The following ITGB1BP1 variants were observed in gnomAD, a reference collection of about 807,000 sequenced individuals.
ITGB1BP1 encodes integrin subunit beta 1 binding protein 1.
A neutral mutation model predicts 28.0 loss-of-function variants in ITGB1BP1; 20 were observed. The ratio of observed to expected loss-of-function variants is 0.71; its 90% confidence interval spans 0.50 to 1.04. ITGB1BP1 has a LOEUF of 1.04. Among genes scored for constraint, ITGB1BP1 ranks in the 50% least tolerant of loss-of-function variants. The pLI, the probability that ITGB1BP1 is intolerant of heterozygous loss-of-function variation, is 0.00. For missense variants in ITGB1BP1, 228 were observed against 242.5 expected, an observed-to-expected ratio of 0.94 and a Z score of 0.40; for synonymous variants, 103 against 89.5, an observed-to-expected ratio of 1.15 and a Z score of -0.85.
rs565800627 is a variant in ITGB1BP1, at chr2:9,416,015, G to A, written c.73-1759C>T. ...CTCCTTCTGTGCTGTGCCTCACCCC[G>A]GTCCTGGGACTGAGTGAACACACAA... On this transcript the variant is annotated intron_variant, in intron 2 of 6. Transcript: ENST00000355346. Among the ~76,000 whole-genome samples the A allele has an allele frequency of 7.9e-4, 120 of 152,272 alleles. 1 individual carries two copies. Among genetic ancestry groups the A allele is most frequent in the African/African-American group, 2.6e-3 (108 of 41,558 alleles).
chr2:9,414,480 A>G (rs1192440415), intron 2 of ITGB1BP1, among the ~76,000 whole-genome samples: 1 of 152,238 alleles, frequency 6.6e-6, no homozygotes. Context: ...CCCATGACAT[A>G]ATATCGGATA....
At position 9,405,138 on chromosome 2, in the gene ITGB1BP1, T is replaced by C. The variant is rs1677106740; in HGVS notation, c.*1696A>G. The C allele has an allele frequency of 6.6e-6, 1 of 152,332 alleles. No homozygotes were observed. 9.4% of individuals were successfully genotyped at this position (152,332 alleles called of 1,614,324 possible). A position where few individuals can be genotyped will look rare whatever the true frequency, so the allele number is the denominator to read the frequency against. ...CAAACTAATCTGTCAGGTTCACTGG[T>C]ACATAAATACCTAGGAAATATTTTT... On this transcript the variant is annotated 3_prime_UTR_variant, in exon 7 of 7. Coordinates refer to ENST00000355346, the MANE Select transcript of ITGB1BP1 (RefSeq NM_004763.5).
rs1039721593 is a variant in ITGB1BP1 at position 9,406,696 on chromosome 2, A to G, written c.*138T>C. ...TAGGACACATTTTAATAAACAAATG[A>G]TCAGCATTTTACACAATCCATTTTC... On this transcript the variant is annotated 3_prime_UTR_variant, in exon 7 of 7. Transcript: ENST00000355346. 10 of 671,698 alleles carry G rather than the reference A, an allele frequency of 1.5e-5. No individual in the cohort carries two copies. The African/African-American group carries it at 1.8e-4, about 12-fold the overall frequency. 41.6% of individuals were successfully genotyped at this position (671,698 alleles called of 1,614,324 possible).
intron 2 of ITGB1BP1, 41 bp downstream of exon 2, chr2:9,418,585 C>T (rs781157155): frequency 7.4e-7 from 1 of 1,354,962 alleles, no homozygotes; most frequent in Non-Finnish European, 1.1e-6. Flanking sequence ...AAACAAAACT[C>T]TCCCTGCTTT....
At chr2:9,423,262 C>T in intron 1 of ITGB1BP1, 111 bp downstream of exon 1, 1 of 1,171,662 alleles carries the variant, frequency 8.5e-7, no homozygotes, top group Non-Finnish European at 1.1e-6. Context: ...CTCCTCCGCC[C>T]GCCCCGCGGC....
intron 1 of ITGB1BP1, chr2:9,422,620 C>T: frequency 2.0e-6 from 2 of 985,558 alleles, no homozygotes; most frequent in Non-Finnish European, 2.4e-6. Context: ...GCACGCTGGT[C>T]AAAGGCGGAG....
intron 5 of ITGB1BP1, 38 bp downstream of exon 5, chr2:9,408,075 T>C (rs1263200790): frequency 4.4e-6 from 5 of 1,142,538 alleles, no homozygotes; most frequent in African/African-American, 1.6e-5. Context: ...TTCCCTGTTA[T>C]CTAAAACATA....
chr2:9,423,435 C>T lies in ITGB1BP1; in HGVS notation c.-98G>A, dbSNP rs1558444412. Reference sequence around the variant, plus strand: ...GGGGTCCGCGTGGGAGTGCCGCGGCCTTTGGCGCCCAGGCAGCTACTCCCG... The same window carrying T: ...GGGGTCCGCGTGGGAGTGCCGCGGCTTTTGGCGCCCAGGCAGCTACTCCCG... On this transcript the variant is annotated 5_prime_UTR_variant, in exon 1 of 7. Coordinates refer to ENST00000355346, the MANE Select transcript of ITGB1BP1 (RefSeq NM_004763.5). The T allele has an allele frequency of 1.3e-5, 15 of 1,149,070 alleles. No individual in the cohort carries two copies. Among genetic ancestry groups the T allele is most frequent in the Non-Finnish European group, 1.6e-5 (15 of 926,576 alleles). The allele number at this position is 1,149,070 out of a possible 1,614,324, so 71.2% of individuals were successfully genotyped here. A position where few individuals can be genotyped will look rare whatever the true frequency, so the allele number is the denominator to read the frequency against.
At chr2:9,411,579 G>A (rs550779475) in intron 4 of ITGB1BP1, among the ~76,000 whole-genome samples, 16 of 152,048 alleles carry the variant, frequency 1.1e-4, no homozygotes, top group African/African-American at 3.4e-4. Context: ...AAAATTATCT[G>A]GGCCGTGGCA....
intron 1 of ITGB1BP1, chr2:9,422,872 C>G: frequency 1.0e-6 from 1 of 985,926 alleles, no homozygotes; most frequent in Non-Finnish European, 1.2e-6. Flanking sequence ...AGTGACCTGC[C>G]CAGGGTCACC....
chr2:9,416,626 T>A (rs1207983195), intron 2 of ITGB1BP1, among the ~76,000 whole-genome samples: 3 of 152,104 alleles, frequency 2.0e-5, no homozygotes, highest in African/African-American at 7.2e-5. Flanking sequence ...TGAAAATACA[T>A]CAAAATCTCT....
intron 4 of ITGB1BP1, 150 bp downstream of exon 4, chr2:9,412,119 C>T (rs1453422291): frequency 2.7e-5 from 18 of 658,370 alleles, no homozygotes; most frequent in African/African-American, 7.3e-5. Context: ...TCAGCGCTCA[C>T]GCACATGTGC....
intron 3 of ITGB1BP1, among the ~76,000 whole-genome samples, chr2:9,413,364 T>C (rs1372938369): frequency 6.6e-6 from 1 of 152,142 alleles, no homozygotes; most frequent in Non-Finnish European, 1.5e-5. Context: ...AGTCTTATTC[T>C]GTCACCCAGG....
At chr2:9,410,091 C>T (rs966291950) in intron 4 of ITGB1BP1, among the ~76,000 whole-genome samples, 1 of 152,144 alleles carries the variant, frequency 6.6e-6, no homozygotes, top group African/African-American at 2.4e-5. Context: ...ATGATTCACC[C>T]ACCTCGGCCT....
intron 1 of ITGB1BP1, among the ~76,000 whole-genome samples, chr2:9,421,821 C>T (rs961441158): frequency 4.6e-5 from 7 of 152,210 alleles, no homozygotes; most frequent in Non-Finnish European, 1.0e-4. Flanking sequence ...CAGATCTGCT[C>T]CTCTCCTCTC....
intron 4 of ITGB1BP1, among the ~76,000 whole-genome samples, chr2:9,409,640 A>AT (rs538797243): frequency 4.0e-5 from 6 of 150,860 alleles, no homozygotes; most frequent in South Asian, 4.2e-4. Flanking sequence ...TAACAAAACC[A>AT]TTTTTTTTTC....
At chr2:9,412,552 G>A (rs564340238) in intron 3 of ITGB1BP1, 147 bp from the exon 4 acceptor site, 6 of 629,438 alleles carry the variant, frequency 9.5e-6, no homozygotes, top group African/African-American at 7.4e-5. Flanking sequence ...TTTATGTAAT[G>A]GGGAAGAACT....
rs1274250914 is a variant in ITGB1BP1, at chr2:9,414,159, A to T, written c.151+19T>A. ...CAATGAAAAGCGCAGACAATCAATG[A>T]TCCAACCCTTTTATGTACCTGAGCT... On this transcript the variant is annotated intron_variant, in intron 3 of 6. Coordinates refer to ENST00000355346, the MANE Select transcript of ITGB1BP1 (RefSeq NM_004763.5). The T allele has an allele frequency of 6.9e-6, 11 of 1,604,624 alleles. No individual in the cohort carries two copies. The highest frequency in any genetic ancestry group is 8.5e-6 in the Non-Finnish European group (10 of 1,171,724).
Position 9,415,893 on chromosome 2 carries a change from G to A in ITGB1BP1, c.73-1637C>T, listed in dbSNP as rs895796444. Among the ~76,000 whole-genome samples the A allele has an allele frequency of 3.3e-5, 5 of 152,204 alleles. No individual in the cohort carries two copies. The highest frequency in any genetic ancestry group is 1.9e-4 in the East Asian group (1 of 5,190). ...TCACATGTGGCTGTTATTTAACAGC[G>A]TGGCACATGTGGCACATGGGAGGCC... On this transcript the variant is annotated intron_variant, in intron 2 of 6. Transcript: ENST00000355346. This position sits in a 1 kb window ranked among gnomAD's most constrained non-coding sequence, Gnocchi z 4.1.
Sources: gnomAD v4.1 joint callset for allele counts (sites outside exome capture counted in the v4.1 genomes callset) on GRCh38, gnomAD v4.1.1 for gene constraint, Gnocchi (gnomAD v3.1) non-coding constraint, MANE v1.5 for transcripts, NCBI Gene and HGNC (gene_info 2026-07-23, HGNC 2026-07-21) for gene names.